The following LOXL1 variants were observed in gnomAD, a reference collection of about 807,000 sequenced individuals.
LOXL1 encodes lysyl oxidase homolog 1.
In LOXL1, 31 loss-of-function variants were observed where a neutral mutation model predicts 62.2. The observed-to-expected ratio is 0.50, with a 90% confidence interval of 0.37 to 0.67. The LOEUF is 0.67. Among genes scored for constraint, LOXL1 ranks in the 30% least tolerant of loss-of-function variants. The pLI, the probability that LOXL1 is intolerant of heterozygous loss-of-function variation, is 0.00. For synonymous variants in LOXL1, 403 were observed against 384.4 expected (o/e 1.05, Z -0.56); for missense variants, 775 against 843.4 (o/e 0.92, Z 1.00).
At chr15:73,933,490 C>T (rs1171069725) in intron 1 of LOXL1, among the ~76,000 whole-genome samples, 1 of 152,188 alleles carries the variant, frequency 6.6e-6, no homozygotes, top group Non-Finnish European at 1.5e-5. Context: ...GGTGGCAGAG[C>T]AGGGTTGGGA....
intron 1 of LOXL1, among the ~76,000 whole-genome samples, chr15:73,935,281 G>T (rs568921966): frequency 6.6e-6 from 1 of 152,276 alleles, no homozygotes; most frequent in South Asian, 2.1e-4. Flanking sequence ...AATGGAGGAA[G>T]CCAGCTTTAG....
Position 73,942,839 on chromosome 15 carries a change from C to T in LOXL1, c.1103-15C>T. On this transcript the variant is annotated splice_polypyrimidine_tract_variant and intron_variant, in intron 1 of 6. Coordinates refer to ENST00000261921, the MANE Select transcript of LOXL1 (RefSeq NM_005576.4). ...TCTTCCTCCCTCCCCCCTTCTCTCC[C>T]ACTGCCCACTCCAGGTCTCCCTGAC... The T allele has an allele frequency of 3.2e-6, 5 of 1,550,296 alleles. No homozygotes were observed. Among genetic ancestry groups the T allele is most frequent in the Non-Finnish European group, 4.5e-6 (5 of 1,121,840 alleles).
intron 4 of LOXL1, 84 bp downstream of exon 4, chr15:73,947,307 G>A: frequency 1.4e-6 from 2 of 1,464,380 alleles, no homozygotes; most frequent in Non-Finnish European, 1.8e-6. Flanking sequence ...GGCCCGGCAA[G>A]TGCCAAGGCT....
chr15:73,950,398 G>A (rs144921766), intron 6 of LOXL1, among the ~76,000 whole-genome samples: 2 of 152,132 alleles, frequency 1.3e-5, no homozygotes, highest in African/African-American at 4.8e-5. Context: ...TTCCCTAAAA[G>A]TGTGTACTTA....
intron 4 of LOXL1, chr15:73,947,539 T>A (rs2068756765): frequency 1.0e-5 from 5 of 492,994 alleles, no homozygotes; most frequent in Non-Finnish European, 1.8e-5. Flanking sequence ...CCACCCTAAA[T>A]ATCCACAAAC....
rs1413091675 is a variant in LOXL1, at chr15:73,930,243, G to T, written c.1102+2358G>T. 3.3e-5 allele frequency among the ~76,000 whole-genome samples: 5 copies of T among 152,200 alleles called. No homozygotes were observed. Among genetic ancestry groups the T allele is most frequent in the African/African-American group, 4.8e-5 (2 of 41,446 alleles). The stretch of plus-strand genomic sequence containing the variant: ...CAGAGGAGGGCCCTCCCTGTCAGGG[G>T]CTAGGGCTCAGGGAGACTTCCACAG... On this transcript the variant is annotated intron_variant, in intron 1 of 6. Coordinates refer to ENST00000261921, the MANE Select transcript of LOXL1 (RefSeq NM_005576.4). The surrounding 1 kb of genome is among the most constrained non-coding windows in gnomAD (Gnocchi z 4.7).
chr15:73,929,151 C>T (rs6495086), intron 1 of LOXL1, among the ~76,000 whole-genome samples: 16,859 of 152,288 alleles, frequency 0.11, 1,491 homozygotes, highest in African/African-American at 0.24. Context: ...AATCCCCCTC[C>T]CTGCTACCCT....
In LOXL1 at chr15:73,940,577, G is replaced by A. The variant is rs149321826; in HGVS notation, c.1103-2277G>A. On this transcript the variant is annotated intron_variant, in intron 1 of 6. Coordinates refer to ENST00000261921, the MANE Select transcript of LOXL1 (RefSeq NM_005576.4). ...CCGTCTGTGACCAGGATCAGGGCTC[G>A]GTGTGTGACCAGCATCGGGACTCAG... Among the ~76,000 whole-genome samples the A allele has an allele frequency of 3.7e-3, 567 of 152,074 alleles. 4 individuals carry two copies. The highest frequency in any genetic ancestry group is 0.01 in the Middle Eastern group (3 of 292).
At position 73,945,071 on chromosome 15, in the gene LOXL1, CAT is replaced by C. The variant is rs529463844; in HGVS notation, c.1212-1345_1212-1344del. Reference sequence around the variant, plus strand: ...GCCACCCCTTCCTGTTCCTACCACACATGTGTGTGCATGTGTGTGTATGTGTG... The same window carrying C: ...GCCACCCCTTCCTGTTCCTACCACACGTGTGTGCATGTGTGTGTATGTGTG... On this transcript the variant is annotated intron_variant, in intron 2 of 6. Transcript: ENST00000261921. This position sits in a 1 kb window ranked among gnomAD's most constrained non-coding sequence, Gnocchi z 4.3. Among the ~76,000 whole-genome samples the C allele has an allele frequency of 1.6e-4, 24 of 152,296 alleles. No homozygotes were observed. Among genetic ancestry groups the C allele is most frequent in the Non-Finnish European group, 1.3e-4 (9 of 68,010 alleles).
chr15:73,951,266 G>A (rs886251249), intron 6 of LOXL1, among the ~76,000 whole-genome samples: 7 of 152,190 alleles, frequency 4.6e-5, no homozygotes, highest in Non-Finnish European at 8.8e-5. Context: ...CAGCCTGCGC[G>A]GCCCTCCCAG....
intron 1 of LOXL1, among the ~76,000 whole-genome samples, chr15:73,931,549 C>G (rs565853821): frequency 6.0e-4 from 91 of 152,280 alleles, no homozygotes; most frequent in Non-Finnish European, 1.0e-3. Context: ...CCCATGGGAC[C>G]ATGCTGCTCG....
intron 1 of LOXL1, among the ~76,000 whole-genome samples, chr15:73,933,049 CCTG>C (rs370227204): frequency 2.8e-4 from 42 of 152,316 alleles, no homozygotes; most frequent in African/African-American, 1.0e-3. Context: ...TTCTCTCTCC[CCTG>C]CTCTCAAACT....
At chr15:73,938,056 G>A (rs1381164431) in intron 1 of LOXL1, among the ~76,000 whole-genome samples, 5 of 152,214 alleles carry the variant, frequency 3.3e-5, no homozygotes, top group African/African-American at 1.2e-4. Flanking sequence ...AGAGGCCAAG[G>A]CGGGTGGAAC....
At chr15:73,941,917 A>T in intron 1 of LOXL1, 2 of 229,578 alleles carry the variant, frequency 8.7e-6, no homozygotes, top group South Asian at 3.8e-5. Context: ...AGGAAGGTGG[A>T]GGGGCAGGAA....
At chr15:73,937,576 C>T (rs1053007924) in intron 1 of LOXL1, among the ~76,000 whole-genome samples, 35 of 152,352 alleles carry the variant, frequency 2.3e-4, no homozygotes, top group African/African-American at 8.2e-4. Context: ...GGAAGAATGC[C>T]CACAGAGGCC....
intron 4 of LOXL1, 21 bp downstream of exon 4, chr15:73,947,244 T>G (rs1320943660): frequency 1.5e-5 from 24 of 1,581,876 alleles, no homozygotes; most frequent in Non-Finnish European, 1.9e-5. Context: ...AGAGATGGGG[T>G]TTGGGGCATG....
intron 1 of LOXL1, among the ~76,000 whole-genome samples, chr15:73,937,342 T>C (rs530066470): frequency 1.3e-5 from 2 of 152,354 alleles, no homozygotes; most frequent in East Asian, 3.9e-4. Context: ...GCTCCGTGTC[T>C]TCACTGTCCT....
chr15:73,951,896 G>A lies in LOXL1; in HGVS notation c.*59G>A. ...TTCCAAAGCAGGCCCTGCTCCCCGG[G>A]CAGCCTCCCGCCGAGGGGCCCAGCC... On this transcript the variant is annotated 3_prime_UTR_variant, in exon 7 of 7. Coordinates refer to ENST00000261921, the MANE Select transcript of LOXL1 (RefSeq NM_005576.4). 4 of 1,414,026 alleles carry A rather than the reference G, an allele frequency of 2.8e-6. No homozygotes were observed. The highest frequency in any genetic ancestry group is 1.6e-5 in the South Asian group (1 of 62,640). 87.6% of individuals were successfully genotyped at this position (1,414,026 alleles called of 1,614,324 possible). A position where few individuals can be genotyped will look rare whatever the true frequency, so the allele number is the denominator to read the frequency against.
chr15:73,934,543 G>A (rs2068657606), intron 1 of LOXL1, among the ~76,000 whole-genome samples: 1 of 152,214 alleles, frequency 6.6e-6, no homozygotes, highest in African/African-American at 2.4e-5. Flanking sequence ...CTGCCCTCAT[G>A]GGCTCTTGCC....
Sources: allele counts gnomAD v4.1 joint callset (sites outside exome capture counted in the v4.1 genomes callset), GRCh38; gene constraint gnomAD v4.1.1; non-coding constraint Gnocchi (gnomAD v3.1); transcripts MANE v1.5; gene names NCBI Gene and HGNC (gene_info 2026-07-23, HGNC 2026-07-21).